LIG1: variants seen among roughly 807,000 people sequenced by gnomAD.
LIG1 encodes DNA ligase 1.
In LIG1, 70 loss-of-function variants were observed where a neutral mutation model predicts 115.7. The observed-to-expected ratio is 0.60, with a 90% CI of 0.50 to 0.74. LIG1 has a LOEUF of 0.74. Among genes scored for constraint, LIG1 ranks in the 30% least tolerant of loss-of-function variants. The pLI, the probability that LIG1 is intolerant of heterozygous loss-of-function variation, is 0.00. For synonymous variants in LIG1, 487 were observed against 495.3 expected, an observed-to-expected ratio of 0.98 and a Z score of 0.22; for missense variants, 1,115 against 1,225.6, an observed-to-expected ratio of 0.91 and a Z score of 1.35.
At chr19:48,166,530 T>C (rs900127768) in intron 1 of LIG1, among the ~76,000 whole-genome samples, 3 of 152,198 alleles carry the variant, frequency 2.0e-5, no homozygotes, top group African/African-American at 7.2e-5. Flanking sequence ...GATTTTTTAA[T>C]ATGCATGCTT....
chr19:48,150,067 G>A (rs1320209238), intron 8 of LIG1, 21 bp downstream of exon 8: 37 of 1,614,120 alleles, frequency 2.3e-5, no homozygotes, highest in Non-Finnish European at 3.1e-5. Context: ...CCGGGAGGTG[G>A]GGTGAGCAAG....
intron 5 of LIG1, chr19:48,154,588 T>C: frequency 1.2e-5 from 2 of 162,178 alleles, no homozygotes; most frequent in East Asian, 1.7e-4. Flanking sequence ...CTGCACCTCC[T>C]AAACAAACCA....
intron 11 of LIG1, among the ~76,000 whole-genome samples, chr19:48,142,006 A>G (rs1405471089): frequency 6.6e-6 from 1 of 152,216 alleles, no homozygotes; most frequent in African/African-American, 2.4e-5. Flanking sequence ...GCATCCTTAC[A>G]AAATACAGAA....
At position 48,141,089 on chromosome 19, in the gene LIG1, C is replaced by T. The variant is rs571240851; in HGVS notation, c.915-946G>A. Among the ~76,000 whole-genome samples the T allele has an allele frequency of 3.7e-4, 57 of 152,330 alleles. 2 individuals carry two copies. The highest frequency in any genetic ancestry group is 3.3e-3 in the Admixed American group (50 of 15,302). On this transcript the variant is annotated intron_variant, in intron 11 of 27. Transcript: ENST00000263274. ...GATGGTGATGATCAGCCCAGAGAAA[C>T]GACAGCTGATGCTACGGAGCATTTT...
At position 48,151,380 on chromosome 19, in the gene LIG1, T is replaced by C. The variant is rs1463368476; in HGVS notation, c.467-41A>G. 4 of 1,259,428 alleles carry C rather than the reference T, an allele frequency of 3.2e-6. No individual in the cohort carries two copies. The African/African-American group carries it at 4.4e-5, about 14-fold the overall frequency. 78.0% of individuals were successfully genotyped at this position (1,259,428 alleles called of 1,614,324 possible). On this transcript the variant is annotated intron_variant, in intron 6 of 27. Transcript: ENST00000263274. ...ACGGTCAGATGGCAAAAAAATCCCATTGAACCTACAAGGGCATTTTGACTC... is the reference window on the plus strand; with the variant it reads ...ACGGTCAGATGGCAAAAAAATCCCACTGAACCTACAAGGGCATTTTGACTC...
intron 8 of LIG1, 79 bp from the exon 9 acceptor site, chr19:48,149,920 C>T (rs1294363111): frequency 6.5e-7 from 1 of 1,537,738 alleles, no homozygotes; most frequent in Non-Finnish European, 8.9e-7. Context: ...CACCCAGCAC[C>T]ACCCCAGTGC....
At position 48,119,155 on chromosome 19, in the gene LIG1, C is replaced by G. The variant is rs763721092; in HGVS notation, c.2421G>C (p.Glu807Asp). ...GGCTCACCTTGAGGCTCTGGTGATG[C>G]TCCTCCAGCTCCTCATCACTGAAGC... is the stretch of plus-strand genomic sequence containing the variant. ...GTGFSDEELE[E>D]HHQSLKALVL... Residue 807 changes from glutamate to aspartate, a missense_variant, in exon 25 of 28, where the codon GAG becomes GAC. By Grantham distance (45) the Glu-to-Asp change is conservative. Transcript: ENST00000263274. 6.3e-7 allele frequency: 1 copy of G among 1,581,818 alleles called. No individual in the cohort carries two copies. The highest frequency in any genetic ancestry group is 2.3e-5 in the East Asian group (1 of 42,674).
rs534708780 is a variant in LIG1 at position 48,137,136 on chromosome 19, C to G, written c.1255-52G>C. 9 of 1,421,484 alleles carry G rather than the reference C, an allele frequency of 6.3e-6. No homozygotes were observed. The African/African-American group carries it at 1.1e-4, about 18-fold the overall frequency. The allele number at this position is 1,421,484 out of a possible 1,614,324, so 88.1% of individuals were successfully genotyped here. A position where few individuals can be genotyped will look rare whatever the true frequency, so the allele number is the denominator to read the frequency against. On this transcript the variant is annotated intron_variant, in intron 13 of 27. Coordinates refer to ENST00000263274, the MANE Select transcript of LIG1 (RefSeq NM_000234.3). The surrounding 1 kb of genome is among the most constrained non-coding windows in gnomAD (Gnocchi z 4.3). ...GTGCCTGGTGAAGGCAGGGACCACA[C>G]CTCCACCCCACCAGCCGTGCTGCTG...
rs1415813897 is a variant in LIG1 at position 48,117,651 on chromosome 19, G to T, written c.2570C>A (p.Ala857Asp). 6.2e-7 allele frequency: 1 copy of T among 1,612,838 alleles called. No individual in the cohort carries two copies. The highest frequency in any genetic ancestry group is 2.2e-5 in the East Asian group (1 of 44,872). ...ADLSLSPIYPAARGLVDSDKG... is the reference protein window; with the variant it reads ...ADLSLSPIYPDARGLVDSDKG... The stretch of plus-strand genomic sequence containing the variant: ...TCTGCCACTCACCAGGCCCCGCGCA[G>T]CAGGGTAGATGGGAGAGAGGGAGAG... Residue 857 changes from alanine (A) to aspartate (D), a missense_variant, in exon 26 of 28, where the codon GCT becomes GAT. By Grantham distance (126) the Ala-to-Asp change is moderately radical. Transcript: ENST00000263274.
Position 48,137,062 on chromosome 19 carries a change from ATGTC to A in LIG1, c.1273_1276del (p.Asp425SerfsTer21). The A allele has an allele frequency of 6.2e-7, 1 of 1,612,800 alleles. No individual in the cohort carries two copies. The highest frequency in any genetic ancestry group is 8.5e-7 in the Non-Finnish European group (1 of 1,179,668). ...GCAGGCCACAAAGAGGCCTTTGATG[ATGTC>A]TATCTTCTTGGCTGTGGACTGGAGA... On this transcript the variant is annotated frameshift_variant, in exon 14 of 28. Transcript: ENST00000263274. LOFTEE classifies it high-confidence loss of function. This position sits in a 1 kb window ranked among gnomAD's most constrained non-coding sequence, Gnocchi z 4.3.
At chr19:48,165,798 T>G in intron 1 of LIG1, 175 bp from the exon 2 acceptor site, 1 of 643,072 alleles carries the variant, frequency 1.6e-6, no homozygotes, top group Admixed American at 2.7e-5. Flanking sequence ...GATTTACTGG[T>G]GCAGAATAAA....
At chr19:48,120,993 TC>T in intron 24 of LIG1, 176 bp downstream of exon 24, 5 of 1,486,762 alleles carry the variant, frequency 3.4e-6, no homozygotes, top group Non-Finnish European at 4.4e-6. Flanking sequence ...AGCCTGTTTT[TC>T]TATATGAAGC....
At position 48,137,600 on chromosome 19, in the gene LIG1, G is replaced by A. The variant is rs754338939; in HGVS notation, c.1176C>T (p.Leu392=). The part of the protein sequence containing the change: ...VAENSRSTQR[L]MLPPPPLTAS... ...CAGTGAGCGGAGGTGGTGGCAGCAT[G>A]AGCCTCTGGGTGCTGCGGCTGTTCT... The change falls in exon 13 of 28, where the codon CTC becomes CTT. Residue 392 remains leucine, a synonymous_variant. Coordinates refer to ENST00000263274, the MANE Select transcript of LIG1 (RefSeq NM_000234.3). The surrounding 1 kb of genome is among the most constrained non-coding windows in gnomAD (Gnocchi z 4.3). 5.6e-6 allele frequency: 9 copies of A among 1,613,018 alleles called. No homozygotes were observed. Among genetic ancestry groups the A allele is most frequent in the Admixed American group, 3.3e-5 (2 of 60,002 alleles).
At position 48,132,087 on chromosome 19, in the gene LIG1, C is replaced by T. The variant is rs1049060257; in HGVS notation, c.1725+895G>A. Among the ~76,000 whole-genome samples the T allele has an allele frequency of 5.9e-5, 9 of 152,108 alleles. No individual in the cohort carries two copies. In the East Asian group the frequency reaches 1.4e-3, roughly 23 times the overall value. On this transcript the variant is annotated intron_variant, in intron 18 of 27. Transcript: ENST00000263274. ...CCGAGTAGCTGGGACTACAGGCACA[C>T]GCCACCACACTGGCTCATTTTTGTG...
chr19:48,151,260 G>A lies in LIG1; in HGVS notation c.546C>T (p.Thr182=), dbSNP rs145183338. The A allele has an allele frequency of 4.3e-6, 7 of 1,613,584 alleles. No individual in the cohort carries two copies. In the South Asian group the frequency reaches 7.7e-5, roughly 18 times the overall value. Residue 182 remains threonine, a synonymous_variant, in exon 7 of 28, where the codon ACC becomes ACT. Coordinates refer to ENST00000263274, the MANE Select transcript of LIG1 (RefSeq NM_000234.3). ...EKEGEDGDQP[T]TPPKPLKTSK... The stretch of plus-strand genomic sequence containing the variant: ...AGGTCTTTAGGGGCTTGGGAGGCGT[G>A]GTGGGCTGGTCCCCGTCTTCTCCTT...
intron 9 of LIG1, 125 bp from the exon 10 acceptor site, chr19:48,144,088 T>G (rs1237260122): frequency 1.2e-6 from 1 of 834,304 alleles, no homozygotes; most frequent in African/African-American, 1.7e-5. Context: ...AAAACAAAGT[T>G]TGCTAACCTG....
intron 2 of LIG1, among the ~76,000 whole-genome samples, chr19:48,164,804 G>A (rs370791411): frequency 4.6e-5 from 7 of 152,170 alleles, no homozygotes; most frequent in South Asian, 2.1e-4. Flanking sequence ...GCATTAACAC[G>A]AGGTTTCTCA....
Position 48,122,843 on chromosome 19 carries a change from G to C in LIG1, c.2232+91C>G. The C allele has an allele frequency of 2.6e-6, 3 of 1,156,090 alleles. No individual in the cohort carries two copies. Among genetic ancestry groups the C allele is most frequent in the African/African-American group, 3.0e-5 (2 of 65,842 alleles). The allele number at this position is 1,156,090 out of a possible 1,614,324, so 71.6% of individuals were successfully genotyped here. A position where few individuals can be genotyped will look rare whatever the true frequency, so the allele number is the denominator to read the frequency against. ...GAAAAGGGGCCCTGAGCTCAGACAG[G>C]GTACACAGTGGAGGCTCGAAATCCA... On this transcript the variant is annotated intron_variant, in intron 23 of 27. Coordinates refer to ENST00000263274, the MANE Select transcript of LIG1 (RefSeq NM_000234.3). This position sits in a 1 kb window ranked among gnomAD's most constrained non-coding sequence, Gnocchi z 4.3.
Position 48,137,443 on chromosome 19 carries a change from C to A in LIG1, c.1254+79G>T. 1 of 1,565,490 alleles carries A rather than the reference C, an allele frequency of 6.4e-7. No individual in the cohort carries two copies. On this transcript the variant is annotated intron_variant, in intron 13 of 27. Transcript: ENST00000263274. The surrounding 1 kb of genome is among the most constrained non-coding windows in gnomAD (Gnocchi z 4.3). The stretch of plus-strand genomic sequence containing the variant: ...GATGCGACCCAGCTGATGGTCTACC[C>A]AGAAGCCTTCCTGACACACGCGTGG...
Sources: gnomAD v4.1 joint callset for allele counts (sites outside exome capture counted in the v4.1 genomes callset) on GRCh38, gnomAD v4.1.1 for gene constraint, Gnocchi (gnomAD v3.1) non-coding constraint, MANE v1.5 for transcripts, NCBI Gene and HGNC (gene_info 2026-07-23, HGNC 2026-07-21) for gene names.